The following MTUS2 variants were observed in gnomAD, a reference collection of about 807,000 sequenced individuals.
MTUS2 encodes microtubule associated scaffold protein 2.
MTUS2 carries 40 observed loss-of-function variants against 114.1 expected under a neutral mutation model. That is an observed-to-expected ratio of 0.35 (90% CI 0.27 to 0.46). The LOEUF (loss-of-function observed/expected upper bound fraction) is 0.46, where lower values mean the gene tolerates loss of function less well. Ranked by LOEUF, MTUS2 falls within the 20% of genes least tolerant of loss-of-function variation. MTUS2 has a pLI of 1.00. For synonymous variants in MTUS2, 688 were observed against 672.0 expected, an observed-to-expected ratio of 1.02 and a Z score of -0.37; for missense variants, 1,679 against 1,705.4, an observed-to-expected ratio of 0.98 and a Z score of 0.27.
At chr13:29,447,412 C>T (rs1878361637) in intron 9 of MTUS2, among the ~76,000 whole-genome samples, 1 of 151,952 alleles carries the variant, frequency 6.6e-6, no homozygotes, top group African/African-American at 2.4e-5. Flanking sequence ...TTTTTTAAGG[C>T]AAATAGAGCT....
intron 6 of MTUS2, among the ~76,000 whole-genome samples, chr13:29,284,027 C>A (rs1027807449): frequency 6.6e-6 from 1 of 152,100 alleles, no homozygotes; most frequent in South Asian, 2.1e-4. Flanking sequence ...ATCATACATG[C>A]ATTTATTCTT....
At chr13:29,066,081 C>G (rs191363998) in intron 4 of MTUS2, among the ~76,000 whole-genome samples, 5 of 152,254 alleles carry the variant, frequency 3.3e-5, no homozygotes, top group Non-Finnish European at 7.4e-5. Context: ...CTTTTATTTG[C>G]CACGTCTTCT....
intron 5 of MTUS2, among the ~76,000 whole-genome samples, chr13:29,160,046 A>G (rs1893028845): frequency 6.6e-6 from 1 of 152,214 alleles, no homozygotes; most frequent in Non-Finnish European, 1.5e-5. Context: ...CCTATACACC[A>G]TTGCTCACGG....
At chr13:29,021,804 A>G (rs1036283583) in intron 2 of MTUS2, among the ~76,000 whole-genome samples, 1 of 152,248 alleles carries the variant, frequency 6.6e-6, no homozygotes, top group Non-Finnish European at 1.5e-5. Flanking sequence ...TTAAAATTGA[A>G]TAAACAAAGA....
At chr13:29,320,368 C>T (rs1196856611) in intron 6 of MTUS2, among the ~76,000 whole-genome samples, 1 of 152,240 alleles carries the variant, frequency 6.6e-6, no homozygotes, top group East Asian at 1.9e-4. Context: ...TTTCAGACTT[C>T]TGACCTCCAG....
At chr13:28,947,367 A>G (rs1027352981) in intron 2 of MTUS2, among the ~76,000 whole-genome samples, 1 of 152,186 alleles carries the variant, frequency 6.6e-6, no homozygotes, top group Non-Finnish European at 1.5e-5. Flanking sequence ...TGCATGAGCG[A>G]GTGTTTACTT....
rs181842710 is a variant in MTUS2 at position 29,389,155 on chromosome 13, C to G, written c.3117+29682C>G. On this transcript the variant is annotated intron_variant, in intron 8 of 15. Transcript: ENST00000612955. ...CAGTTTTCCTGACAGAGAGGAGAAA[C>G]CAAAGATTGTTTTGACTATATATAT... Among the ~76,000 whole-genome samples, 682 of 150,568 alleles carry G rather than the reference C, an allele frequency of 4.5e-3. 4 individuals carry two copies. Among genetic ancestry groups the G allele is most frequent in the African/African-American group, 0.016 (657 of 40,994 alleles).
At chr13:29,348,517 A>G (rs1484563932) in intron 7 of MTUS2, among the ~76,000 whole-genome samples, 1 of 152,166 alleles carries the variant, frequency 6.6e-6, no homozygotes. Flanking sequence ...TGCATACTTA[A>G]AAACAGTGTC....
intron 12 of MTUS2, among the ~76,000 whole-genome samples, chr13:29,495,934 G>A (rs1882524623): frequency 6.6e-6 from 1 of 150,932 alleles, no homozygotes; most frequent in Non-Finnish European, 1.5e-5. Flanking sequence ...GTGTGTGTGT[G>A]TATCTATATA....
intron 5 of MTUS2, among the ~76,000 whole-genome samples, chr13:29,221,931 G>A (rs1395257277): frequency 6.6e-6 from 1 of 152,030 alleles, no homozygotes; most frequent in Non-Finnish European, 1.5e-5. Context: ...CCATGCGATA[G>A]ATGTCTCATT....
chr13:29,217,990 C>T (rs748210191), intron 5 of MTUS2, among the ~76,000 whole-genome samples: 2 of 152,068 alleles, frequency 1.3e-5, no homozygotes, highest in Non-Finnish European at 2.9e-5. Flanking sequence ...CTTGGTGATG[C>T]ATGCCTGTAG....
At chr13:29,150,373 T>C (rs1329071711) in intron 5 of MTUS2, among the ~76,000 whole-genome samples, 1 of 152,206 alleles carries the variant, frequency 6.6e-6, no homozygotes, top group Non-Finnish European at 1.5e-5. Flanking sequence ...TGTGTTCATG[T>C]ATTTTGCTTA....
At chr13:28,953,764 A>G (rs1388323574) in intron 2 of MTUS2, among the ~76,000 whole-genome samples, 1 of 152,150 alleles carries the variant, frequency 6.6e-6, no homozygotes, top group Non-Finnish European at 1.5e-5. Context: ...TATTTTTGAC[A>G]TCTAGCCTTT....
At chr13:29,365,965 G>A (rs1207054475) in intron 8 of MTUS2, among the ~76,000 whole-genome samples, 2 of 152,178 alleles carry the variant, frequency 1.3e-5, no homozygotes, top group Non-Finnish European at 2.9e-5. Context: ...CCTCTTCCCT[G>A]CGAGAGATGA....
intron 7 of MTUS2, among the ~76,000 whole-genome samples, chr13:29,329,199 G>T (rs1354681342): frequency 6.6e-6 from 1 of 152,006 alleles, no homozygotes; most frequent in Non-Finnish European, 1.5e-5. Context: ...TGTTACATAG[G>T]TGTACACGTG....
chr13:29,118,545 T>C (rs1891181199), intron 5 of MTUS2, among the ~76,000 whole-genome samples: 1 of 152,206 alleles, frequency 6.6e-6, no homozygotes, highest in African/African-American at 2.4e-5. Context: ...CACAGTTTCC[T>C]ATGGTCTTCC....
chr13:29,478,605 G>A (rs868754826), intron 9 of MTUS2, among the ~76,000 whole-genome samples: 6 of 151,228 alleles, frequency 4.0e-5, no homozygotes, highest in African/African-American at 9.9e-5. Flanking sequence ...ATTGGTGCAC[G>A]GCGCTAATCA....
At chr13:29,302,757 G>A (rs955014642) in intron 6 of MTUS2, among the ~76,000 whole-genome samples, 7 of 152,232 alleles carry the variant, frequency 4.6e-5, no homozygotes, top group African/African-American at 1.7e-4. Context: ...CGGTCCAGAT[G>A]AGGAAGGGTC....
At chr13:28,976,781 GGAAGCT>G (rs1884128454) in intron 2 of MTUS2, among the ~76,000 whole-genome samples, 1 of 152,206 alleles carries the variant, frequency 6.6e-6, no homozygotes, top group Non-Finnish European at 1.5e-5. Flanking sequence ...GGAAGCATCA[GGAAGCT>G]TTATGTAAAT....
Sources: allele counts gnomAD v4.1 joint callset (sites outside exome capture counted in the v4.1 genomes callset), GRCh38; gene constraint gnomAD v4.1.1; transcripts MANE v1.5; gene names NCBI Gene and HGNC (gene_info 2026-07-23, HGNC 2026-07-21).